Variants in RAI14 observed in about 807,000 individuals in gnomAD.
RAI14 encodes the protein retinoic acid induced 14.
A neutral mutation model predicts 115.4 loss-of-function variants in RAI14; 45 were observed. That is an observed-to-expected ratio of 0.39 (90% CI 0.31 to 0.50). The LOEUF (loss-of-function observed/expected upper bound fraction) is 0.50. Ranked by LOEUF, RAI14 falls within the 20% of genes least tolerant of loss-of-function variation. RAI14 has a pLI of 0.85. For missense variants in RAI14, 939 were observed against 1,131.2 expected, an observed-to-expected ratio of 0.83 and a Z score of 2.44; for synonymous variants, 371 against 415.4, an observed-to-expected ratio of 0.89 and a Z score of 1.30.
chr5:34,723,247 T>C (rs1743021529), intron 2 of RAI14, among the ~76,000 whole-genome samples: 1 of 152,132 alleles, frequency 6.6e-6, no homozygotes, highest in Non-Finnish European at 1.5e-5. Context: ...TATAGGATGT[T>C]TATTTATCTA....
chr5:34,792,952 T>G (rs1753100508), intron 3 of RAI14, among the ~76,000 whole-genome samples: 1 of 152,046 alleles, frequency 6.6e-6, no homozygotes, highest in Non-Finnish European at 1.5e-5. Flanking sequence ...GTCCCCAGAA[T>G]AGAGAAAAAA....
intron 2 of RAI14, among the ~76,000 whole-genome samples, chr5:34,750,487 A>G (rs1746834120): frequency 6.6e-6 from 1 of 152,070 alleles, no homozygotes; most frequent in African/African-American, 2.4e-5. Flanking sequence ...TTTTTAAGCG[A>G]CGAGGAAACA....
intron 1 of RAI14, among the ~76,000 whole-genome samples, chr5:34,662,587 A>G (rs1218701132): frequency 5.9e-5 from 9 of 152,100 alleles, no homozygotes; most frequent in Admixed American, 3.9e-4. Flanking sequence ...TACATTTCTT[A>G]TTGTATCCTC....
At chr5:34,758,559 T>C (rs1748202342) in intron 3 of RAI14, among the ~76,000 whole-genome samples, 1 of 152,118 alleles carries the variant, frequency 6.6e-6, no homozygotes. Context: ...TGTCACTTTT[T>C]CTTGATGAGG....
intron 2 of RAI14, among the ~76,000 whole-genome samples, chr5:34,744,258 T>A (rs770734510): frequency 1.3e-5 from 2 of 152,234 alleles, no homozygotes; most frequent in African/African-American, 2.4e-5. Flanking sequence ...TGAATGAATG[T>A]TTGAGTAGAT....
At chr5:34,734,190 G>C (rs1744560018) in intron 2 of RAI14, among the ~76,000 whole-genome samples, 1 of 152,236 alleles carries the variant, frequency 6.6e-6, no homozygotes, top group Admixed American at 6.5e-5. Flanking sequence ...CCTGGTCTCT[G>C]TGTGATTCCG....
intron 1 of RAI14, chr5:34,685,583 A>C (rs1744780280): frequency 6.6e-6 from 1 of 151,868 alleles, no homozygotes; most frequent in Non-Finnish European, 1.5e-5. Context: ...AAAAAAAAAA[A>C]ACTATATAGG....
At chr5:34,819,137 A>G (rs1050111336) in intron 13 of RAI14, among the ~76,000 whole-genome samples, 2 of 152,242 alleles carry the variant, frequency 1.3e-5, no homozygotes, top group Non-Finnish European at 2.9e-5. Flanking sequence ...TACAGGCAAT[A>G]AGCCTCAGTG....
intron 1 of RAI14, chr5:34,685,573 A>T (rs1744778802): frequency 9.3e-6 from 1 of 107,730 alleles, no homozygotes; most frequent in Non-Finnish European, 2.1e-5. Flanking sequence ...ATTGAAATTA[A>T]AAAAAAAAAA....
intron 3 of RAI14, among the ~76,000 whole-genome samples, chr5:34,761,775 G>C (rs1273325731): frequency 6.6e-6 from 1 of 152,074 alleles, no homozygotes; most frequent in Non-Finnish European, 1.5e-5. Flanking sequence ...TCTTGATTTA[G>C]AACCCATTAT....
chr5:34,805,108 A>G (rs1238714636), intron 5 of RAI14, among the ~76,000 whole-genome samples: 1 of 152,234 alleles, frequency 6.6e-6, no homozygotes, highest in Non-Finnish European at 1.5e-5. Flanking sequence ...CTTTAAAATT[A>G]GGCCAAAGCA....
chr5:34,755,391 A>T (rs1747757542), intron 2 of RAI14, among the ~76,000 whole-genome samples: 1 of 152,176 alleles, frequency 6.6e-6, no homozygotes, highest in South Asian at 2.1e-4. Flanking sequence ...CATCAAGGAG[A>T]GCTGCACTGG....
chr5:34,811,007 C>A lies in RAI14; in HGVS notation c.451-5C>A. 1 of 1,612,902 alleles carries A rather than the reference C, an allele frequency of 6.2e-7. No homozygotes were observed. The highest frequency in any genetic ancestry group is 8.5e-7 in the Non-Finnish European group (1 of 1,179,592). ...GTAAAATCTAAATCTGAATTTGTCT[C>A]CTAGGATGGGAATATACCGCTGCTT... On this transcript the variant is annotated splice_region_variant and splice_polypyrimidine_tract_variant and intron_variant, in intron 7 of 17. Transcript: ENST00000265109.
chr5:34,766,960 G>A (rs113929043), intron 3 of RAI14, among the ~76,000 whole-genome samples: 80 of 152,188 alleles, frequency 5.3e-4, no homozygotes, highest in African/African-American at 1.8e-3. Context: ...TTTAGTAGGG[G>A]TTTCCACTTT....
intron 5 of RAI14, among the ~76,000 whole-genome samples, chr5:34,805,507 G>A (rs1328140402): frequency 6.6e-6 from 1 of 152,114 alleles, no homozygotes; most frequent in Non-Finnish European, 1.5e-5. Flanking sequence ...TCCTTCTCAC[G>A]GCAATGAGCA....
intron 2 of RAI14, among the ~76,000 whole-genome samples, chr5:34,729,949 T>G (rs1046036880): frequency 6.6e-6 from 1 of 152,226 alleles, no homozygotes. Context: ...TGTGTTCATT[T>G]TTTTAAAAAA....
chr5:34,802,560 A>G (rs1046992665), intron 4 of RAI14, among the ~76,000 whole-genome samples: 3 of 152,204 alleles, frequency 2.0e-5, no homozygotes, highest in Non-Finnish European at 4.4e-5. Flanking sequence ...CCTCTAATTC[A>G]GATGGACAGA....
intron 4 of RAI14, among the ~76,000 whole-genome samples, chr5:34,797,521 C>T (rs1309255657): frequency 6.6e-6 from 1 of 151,836 alleles, no homozygotes; most frequent in Non-Finnish European, 1.5e-5. Flanking sequence ...CTGGTAAAAC[C>T]ATTTTTGGTC....
At chr5:34,678,868 CT>C (rs1340391329) in intron 1 of RAI14, among the ~76,000 whole-genome samples, 2 of 152,186 alleles carry the variant, frequency 1.3e-5, no homozygotes, top group African/African-American at 4.8e-5. Context: ...CCTCTTTGTC[CT>C]TCCAATCTAC....
Sources: gnomAD v4.1 joint callset for allele counts (sites outside exome capture counted in the v4.1 genomes callset) on GRCh38, gnomAD v4.1.1 for gene constraint, MANE v1.5 for transcripts, NCBI Gene and HGNC (gene_info 2026-07-23, HGNC 2026-07-21) for gene names.